PDK1: variants seen among roughly 807,000 people sequenced by gnomAD.
PDK1 encodes the protein pyruvate dehydrogenase kinase 1.
In PDK1, 39 loss-of-function variants were observed where a neutral mutation model predicts 54.2. The ratio of observed to expected loss-of-function variants is 0.72; its 90% CI spans 0.56 to 0.94. The LOEUF (loss-of-function observed/expected upper bound fraction) is 0.94. PDK1 is among the 40% of genes least tolerant of loss of function. PDK1 has a pLI of 0.00. For missense variants in PDK1, 552 were observed against 566.0 expected, an observed-to-expected ratio of 0.98 and a Z score of 0.25; for synonymous variants, 221 against 207.1, an observed-to-expected ratio of 1.07 and a Z score of -0.58.
At chr2:172,649,519 C>T in the PDK1 span, among the ~76,000 whole-genome samples, 8 of 152,146 alleles carry the variant, frequency 5.3e-5, no homozygotes, top group Non-Finnish European at 1.2e-4. Context: ...TTCAGATGAT[C>T]GGTAATAACA....
At chr2:172,641,131 C>CG in the PDK1 span, among the ~76,000 whole-genome samples, 1 of 127,274 alleles carries the variant, frequency 7.9e-6, no homozygotes, top group Non-Finnish European at 1.6e-5. Context: ...CTTTCTCTCT[C>CG]TTTCTTCTTT....
the PDK1 span, among the ~76,000 whole-genome samples, chr2:172,712,121 C>G: frequency 6.6e-6 from 1 of 152,118 alleles, no homozygotes; most frequent in Non-Finnish European, 1.5e-5. Context: ...TCTTAAACCT[C>G]TAAGATTCTG....
chr2:172,593,658 CAG>C lies in PDK1; in HGVS notation c.1170+612_1170+613del, dbSNP rs1187480254. ...GTAATAAATTTTGTAATTATCATGACAGAATTGTACAAACAGATTTGGGAACA... is the reference window on the plus strand; with the variant it reads ...GTAATAAATTTTGTAATTATCATGACAATTGTACAAACAGATTTGGGAACA... On this transcript the variant is annotated intron_variant, in intron 10 of 10. Transcript: ENST00000282077. 7.2e-5 allele frequency among the ~76,000 whole-genome samples: 11 copies of C among 152,074 alleles called. No homozygotes were observed. The South Asian group carries it at 1.0e-3, about 14-fold the overall frequency.
the PDK1 span, among the ~76,000 whole-genome samples, chr2:172,662,484 T>G: frequency 2.2e-5 from 1 of 45,026 alleles, no homozygotes; most frequent in East Asian, 6.5e-4. Context: ...AGGGAAGACT[T>G]TTTAAAATCG....
the PDK1 span, chr2:172,723,753 G>C: frequency 6.6e-6 from 1 of 152,188 alleles, no homozygotes; most frequent in Non-Finnish European, 1.5e-5. Flanking sequence ...TCATAGAAGA[G>C]TTTCCTTCTA....
rs1377297414 is a variant in PDK1, at chr2:172,558,840, T to G, written c.329T>G (p.Val110Gly). Reference sequence around the variant, plus strand: ...CTCAGGACACCATCCGTTCAATTGGTACAAAGCTGGTAAGATTCTCATCTT... The same window carrying G: ...CTCAGGACACCATCCGTTCAATTGGGACAAAGCTGGTAAGATTCTCATCTT... ...NLLRTPSVQL[V>G]QSWYIQSLQE... Residue 110 changes from valine (V) to glycine (G), a missense_variant, in exon 2 of 11, where the codon GTA (valine) becomes GGA (glycine). By Grantham distance (109) the Val-to-Gly change is moderately radical (BLOSUM62 -3). Coordinates refer to ENST00000282077, the MANE Select transcript of PDK1 (RefSeq NM_002610.5). 1.2e-6 allele frequency: 2 copies of G among 1,610,556 alleles called. No individual in the cohort carries two copies. The highest frequency in any genetic ancestry group is 2.2e-5 in the South Asian group (2 of 90,240).
chr2:172,643,296 C>T, the PDK1 span, among the ~76,000 whole-genome samples: 4 of 152,190 alleles, frequency 2.6e-5, no homozygotes, highest in African/African-American at 4.8e-5. Context: ...AGGTTACTAC[C>T]TCACCTCCTG....
At chr2:172,564,103 T>TGCAGA in intron 3 of PDK1, 1 of 473,378 alleles carries the variant, frequency 2.1e-6, no homozygotes, top group Non-Finnish European at 4.4e-6. Context: ...CTTGATTCCT[T>TGCAGA]GCAGAGCAGA....
chr2:172,692,869 G>A, the PDK1 span, among the ~76,000 whole-genome samples: 3 of 152,184 alleles, frequency 2.0e-5, no homozygotes, highest in African/African-American at 7.2e-5. Flanking sequence ...TATGTAACTT[G>A]AACCCATGGC....
chr2:172,706,629 A>G, the PDK1 span, among the ~76,000 whole-genome samples: 17 of 152,030 alleles, frequency 1.1e-4, no homozygotes, highest in African/African-American at 2.9e-4. Flanking sequence ...GGGTCTCACT[A>G]TGTTGCCCAG....
chr2:172,667,852 C>T, the PDK1 span, among the ~76,000 whole-genome samples: 227 of 152,290 alleles, frequency 1.5e-3, 1 homozygote, highest in African/African-American at 5.2e-3. Flanking sequence ...CAATAAGAAA[C>T]TAAATGCCAC....
At chr2:172,583,677 A>G (rs1246942762) in intron 8 of PDK1, among the ~76,000 whole-genome samples, 1 of 152,116 alleles carries the variant, frequency 6.6e-6, no homozygotes, top group Non-Finnish European at 1.5e-5. Flanking sequence ...ACATCTTTCA[A>G]TGGTATTTCA....
intron 9 of PDK1, among the ~76,000 whole-genome samples, chr2:172,591,662 C>G (rs1690597123): frequency 6.6e-6 from 1 of 152,122 alleles, no homozygotes; most frequent in Non-Finnish European, 1.5e-5. Flanking sequence ...TGGACTTGAG[C>G]TTTGAGGGGC....
In PDK1 at chr2:172,598,941, G is replaced by A. The variant is rs536511839; in HGVS notation, c.*2972G>A. ...CTTGCACTAAATTTCACTATCTTCA[G>A]TAGAGAGGAACTGTTTGGAACTTAG... is the stretch of plus-strand genomic sequence containing the variant. On this transcript the variant is annotated 3_prime_UTR_variant, in exon 11 of 11. Transcript: ENST00000282077. The A allele has an allele frequency of 6.6e-6, 1 of 152,214 alleles. No individual in the cohort carries two copies. The highest frequency in any genetic ancestry group is 6.5e-5 in the Admixed American group (1 of 15,274). 9.4% of individuals were successfully genotyped at this position (152,214 alleles called of 1,614,324 possible).
chr2:172,655,454 C>T, the PDK1 span, among the ~76,000 whole-genome samples: 7 of 152,180 alleles, frequency 4.6e-5, no homozygotes, highest in South Asian at 1.4e-3. Flanking sequence ...TCATTCCACT[C>T]CTTTGGTTAT....
downstream of PDK1, among the ~76,000 whole-genome samples, chr2:172,610,728 A>T (rs1691435142): frequency 6.6e-6 from 1 of 152,108 alleles, no homozygotes. Context: ...CTCCTGCCTC[A>T]GCCTCCCAAG....
intron 10 of PDK1, among the ~76,000 whole-genome samples, chr2:172,593,817 A>C (rs1690738589): frequency 6.6e-6 from 1 of 152,100 alleles, no homozygotes. Flanking sequence ...ACTAGGTTCC[A>C]TCATTCCCCT....
chr2:172,659,548 G>A, the PDK1 span, among the ~76,000 whole-genome samples: 2 of 152,040 alleles, frequency 1.3e-5, no homozygotes, highest in South Asian at 2.1e-4. Flanking sequence ...CCCCACAACC[G>A]AAAAAATCTC....
intron 8 of PDK1, among the ~76,000 whole-genome samples, chr2:172,572,087 C>T (rs945595852): frequency 5.3e-5 from 8 of 152,070 alleles, no homozygotes; most frequent in Non-Finnish European, 1.5e-5. Flanking sequence ...GCCTCGGCCT[C>T]CCGAAGTGCT....
Sources: gnomAD v4.1 joint callset for allele counts (sites outside exome capture counted in the v4.1 genomes callset) on GRCh38, gnomAD v4.1.1 for gene constraint, MANE v1.5 for transcripts, NCBI Gene and HGNC (gene_info 2026-07-23, HGNC 2026-07-21) for gene names.